The following GRIA4 variants were observed in gnomAD, a reference collection of about 807,000 sequenced individuals.
GRIA4 encodes glutamate ionotropic receptor AMPA type subunit 4.
In GRIA4, 34 loss-of-function variants were observed where a neutral mutation model predicts 104.0. That is an observed-to-expected ratio of 0.33 (90% CI 0.25 to 0.44). The LOEUF (loss-of-function observed/expected upper bound fraction) is 0.44. Among genes scored for constraint, GRIA4 ranks in the 20% least tolerant of loss-of-function variants. The probability of loss-of-function intolerance (pLI) is 1.00; values close to 1 mark genes in which losing one functional copy is unlikely to be tolerated. For synonymous variants in GRIA4, 386 were observed against 381.9 expected (o/e 1.01, Z -0.13); for missense variants, 750 against 1,096.5 (o/e 0.68, Z 4.46).
chr11:105,681,939 G>A (rs1952722988), intron 3 of GRIA4, among the ~76,000 whole-genome samples: 1 of 152,060 alleles, frequency 6.6e-6, no homozygotes, highest in Non-Finnish European at 1.5e-5. Flanking sequence ...CTCCTCAGGA[G>A]GCTGAAGCAG....
intron 3 of GRIA4, among the ~76,000 whole-genome samples, chr11:105,751,870 AC>A (rs1191065584): frequency 1.3e-5 from 2 of 152,212 alleles, no homozygotes; most frequent in Non-Finnish European, 2.9e-5. Flanking sequence ...CATAGCTAAT[AC>A]AAGTAAGATT....
At chr11:105,647,336 T>C (rs1213076770) in intron 3 of GRIA4, among the ~76,000 whole-genome samples, 1 of 152,126 alleles carries the variant, frequency 6.6e-6, no homozygotes, top group East Asian at 1.9e-4. Context: ...ACGTATACAT[T>C]GTTGGTGGGA....
At chr11:105,728,225 T>C (rs1181245576) in intron 3 of GRIA4, among the ~76,000 whole-genome samples, 1 of 152,204 alleles carries the variant, frequency 6.6e-6, no homozygotes, top group African/African-American at 2.4e-5. Context: ...GTTGCAATCC[T>C]ATTCTCTGAT....
At chr11:105,716,697 C>T (rs1009573538) in intron 3 of GRIA4, among the ~76,000 whole-genome samples, 2 of 152,202 alleles carry the variant, frequency 1.3e-5, no homozygotes, top group South Asian at 2.1e-4. Context: ...CACTTAACAT[C>T]AATTTAACCA....
intron 4 of GRIA4, among the ~76,000 whole-genome samples, chr11:105,838,646 C>A (rs1944278443): frequency 6.6e-6 from 1 of 152,122 alleles, no homozygotes; most frequent in Non-Finnish European, 1.5e-5. Context: ...ATTATAAACT[C>A]TTGGACACAA....
intron 4 of GRIA4, among the ~76,000 whole-genome samples, chr11:105,860,768 G>C (rs1339865341): frequency 6.6e-6 from 1 of 151,952 alleles, no homozygotes; most frequent in Non-Finnish European, 1.5e-5. Flanking sequence ...AGACCAGCCT[G>C]GCCAATATGG....
intron 14 of GRIA4, among the ~76,000 whole-genome samples, chr11:105,947,817 T>C (rs1043600371): frequency 6.6e-6 from 1 of 152,224 alleles, no homozygotes; most frequent in African/African-American, 2.4e-5. Flanking sequence ...TTTGTCACTT[T>C]TTAAAATTTG....
At chr11:105,657,972 T>C (rs901108968) in intron 3 of GRIA4, among the ~76,000 whole-genome samples, 4 of 151,866 alleles carry the variant, frequency 2.6e-5, no homozygotes, top group African/African-American at 9.7e-5. Flanking sequence ...TATTTTATTA[T>C]ACCTTTTAAG....
At chr11:105,665,176 G>T (rs1464106048) in intron 3 of GRIA4, among the ~76,000 whole-genome samples, 2 of 151,800 alleles carry the variant, frequency 1.3e-5, no homozygotes, top group Non-Finnish European at 2.9e-5. Context: ...TTTCCTATTA[G>T]CATTCAAATA....
At chr11:105,760,721 T>C (rs1433534042) in intron 4 of GRIA4, among the ~76,000 whole-genome samples, 1 of 152,116 alleles carries the variant, frequency 6.6e-6, no homozygotes, top group Non-Finnish European at 1.5e-5. Context: ...CTAAGGCCTA[T>C]TCATGTTTTT....
At chr11:105,762,170 A>G (rs752914397) in intron 4 of GRIA4, among the ~76,000 whole-genome samples, 20 of 151,504 alleles carry the variant, frequency 1.3e-4, no homozygotes, top group Admixed American at 6.6e-4. Context: ...ATTACAGGCA[A>G]CCGCCATGAT....
intron 4 of GRIA4, among the ~76,000 whole-genome samples, chr11:105,791,832 C>T (rs752919858): frequency 6.6e-5 from 10 of 152,074 alleles, no homozygotes; most frequent in East Asian, 1.9e-4. Flanking sequence ...GTGAATTACA[C>T]GTGGGCAATG....
At chr11:105,968,636 G>C (rs1332814617) in intron 14 of GRIA4, among the ~76,000 whole-genome samples, 1 of 152,176 alleles carries the variant, frequency 6.6e-6, no homozygotes, top group Non-Finnish European at 1.5e-5. Context: ...ATGACTTGTG[G>C]GGTACAAATT....
intron 3 of GRIA4, among the ~76,000 whole-genome samples, chr11:105,711,908 A>T (rs1953925152): frequency 6.6e-6 from 1 of 152,166 alleles, no homozygotes; most frequent in South Asian, 2.1e-4. Context: ...ACCCTCTGGA[A>T]ATGTGAATAC....
In GRIA4 at chr11:105,979,628, T is replaced by C; in HGVS notation, c.2598T>C (p.Ser866=). The C allele has an allele frequency of 8.1e-6, 13 of 1,613,718 alleles. No individual in the cohort carries two copies. Among genetic ancestry groups the C allele is most frequent in the Non-Finnish European group, 1.1e-5 (13 of 1,179,784 alleles). The stretch of plus-strand genomic sequence containing the variant: ...AAGCCAGATTATCCATCACTGGGAG[T>C]GTGGGAGAGAATGGCCGCGTCTTGA... ...RNKARLSITG[S]VGENGRVLTP... Residue 866 remains serine (S), a synonymous_variant, in exon 17 of 17, where the codon AGT becomes AGC. Transcript: ENST00000282499.
Position 105,980,818 on chromosome 11 carries a change from T to A in GRIA4, c.*1079T>A, listed in dbSNP as rs1859225266. The A allele has an allele frequency of 6.6e-6, 1 of 152,664 alleles. No individual in the cohort carries two copies. Among genetic ancestry groups the A allele is most frequent in the Non-Finnish European group, 1.5e-5 (1 of 68,050 alleles). 9.5% of individuals were successfully genotyped at this position (152,664 alleles called of 1,614,324 possible). ...GGTGGGCCATAGTGGAAAATGTAGCTAGCCCTCATTATTTTTTGCATACTA... is the reference window on the plus strand; with the variant it reads ...GGTGGGCCATAGTGGAAAATGTAGCAAGCCCTCATTATTTTTTGCATACTA... On this transcript the variant is annotated 3_prime_UTR_variant, in exon 17 of 17. Coordinates refer to ENST00000282499, the MANE Select transcript of GRIA4 (RefSeq NM_000829.4).
At chr11:105,819,929 C>T (rs548608818) in intron 4 of GRIA4, among the ~76,000 whole-genome samples, 125 of 152,058 alleles carry the variant, frequency 8.2e-4, no homozygotes, top group East Asian at 7.8e-4. Context: ...TGACTAGTAT[C>T]CTTATAAGAA....
chr11:105,839,090 C>T (rs570412732), intron 4 of GRIA4, among the ~76,000 whole-genome samples: 2 of 152,198 alleles, frequency 1.3e-5, no homozygotes, highest in South Asian at 4.1e-4. Flanking sequence ...CTCTAGCTTT[C>T]CCTCTACTGC....
chr11:105,738,373 C>T lies in GRIA4; in HGVS notation c.248-14608C>T, dbSNP rs116985652. 2.2e-4 allele frequency among the ~76,000 whole-genome samples: 32 copies of T among 148,174 alleles called. 1 individual carries two copies. In the East Asian group the frequency reaches 5.9e-3, roughly 27 times the overall value. On this transcript the variant is annotated intron_variant, in intron 3 of 16. Coordinates refer to ENST00000282499, the MANE Select transcript of GRIA4 (RefSeq NM_000829.4). ...TATTGCCCACCAACTATGTGCCAAGCGTTAGGCTGAATGCTGGAGCAGAAA... is the reference window on the plus strand; with the variant it reads ...TATTGCCCACCAACTATGTGCCAAGTGTTAGGCTGAATGCTGGAGCAGAAA...
Sources: gnomAD v4.1 joint callset for allele counts (sites outside exome capture counted in the v4.1 genomes callset) on GRCh38, gnomAD v4.1.1 for gene constraint, MANE v1.5 for transcripts, NCBI Gene and HGNC (gene_info 2026-07-23, HGNC 2026-07-21) for gene names.